The following KDM4B variants were observed in gnomAD, a reference collection of about 807,000 sequenced individuals.
The protein encoded by KDM4B is lysine demethylase 4B.
Under a neutral mutation model 125.2 loss-of-function variants are expected in KDM4B, and 32 were observed. The ratio of observed to expected loss-of-function variants is 0.26; its 90% CI spans 0.19 to 0.34. The LOEUF is 0.34. KDM4B is among the 10% of genes least tolerant of loss of function. KDM4B has a pLI of 1.00. For missense variants in KDM4B, 1,190 were observed against 1,577.7 expected (o/e 0.75, Z 4.16); for synonymous variants, 721 against 677.9 (o/e 1.06, Z -0.99).
At chr19:4,988,236 TCTG>T (rs1216946247) in intron 1 of KDM4B, among the ~76,000 whole-genome samples, 1 of 152,236 alleles carries the variant, frequency 6.6e-6, no homozygotes, top group Non-Finnish European at 1.5e-5. Flanking sequence ...GTCCTGAGCT[TCTG>T]CTGGACGCGC....
chr19:5,004,851 G>A (rs2035507334), intron 1 of KDM4B, among the ~76,000 whole-genome samples: 1 of 152,122 alleles, frequency 6.6e-6, no homozygotes, highest in Non-Finnish European at 1.5e-5. Flanking sequence ...ACAGCCCCCA[G>A]CCTGACCCCA....
intron 10 of KDM4B, chr19:5,119,260 C>T (rs563281464): frequency 1.5e-6 from 2 of 1,304,850 alleles, no homozygotes; most frequent in Non-Finnish European, 2.1e-6. Context: ...TAGGCATTTT[C>T]CATGAGCTGC....
chr19:5,139,867 G>T (rs904544390), intron 18 of KDM4B, among the ~76,000 whole-genome samples: 1 of 152,270 alleles, frequency 6.6e-6, no homozygotes, highest in Non-Finnish European at 1.5e-5. Flanking sequence ...GCGTAGCGGG[G>T]CCTCATCGTG....
At chr19:5,092,672 C>A (rs1042502430) in intron 9 of KDM4B, among the ~76,000 whole-genome samples, 2 of 152,096 alleles carry the variant, frequency 1.3e-5, no homozygotes, top group African/African-American at 4.8e-5. Flanking sequence ...GGTCTGCTTA[C>A]GGGGTCAGGC....
At chr19:5,049,677 C>T (rs540856700) in intron 6 of KDM4B, among the ~76,000 whole-genome samples, 18 of 152,126 alleles carry the variant, frequency 1.2e-4, no homozygotes, top group Admixed American at 6.5e-4. Context: ...GATGTTCCCA[C>T]GACACCCCAT....
At position 5,141,331 on chromosome 19, in the gene KDM4B, A is replaced by T. The variant is rs985946342; in HGVS notation, c.2551-2636A>T. On this transcript the variant is annotated intron_variant, in intron 18 of 22. Transcript: ENST00000159111. The surrounding 1 kb of genome is among the most constrained non-coding windows in gnomAD (Gnocchi z 6.4). ...GATGCTTCCGAGGCACCAGTGACTC[A>T]GTCCACAAACGTGGGCGTAAAAGGC... The T allele has an allele frequency of 8.5e-5, 13 of 152,342 alleles. No individual in the cohort carries two copies. The East Asian group carries it at 1.9e-3, about 23-fold the overall frequency. 9.4% of individuals were successfully genotyped at this position (152,342 alleles called of 1,614,324 possible).
chr19:5,008,217 A>AT (rs1312227998), intron 1 of KDM4B, among the ~76,000 whole-genome samples: 1 of 152,210 alleles, frequency 6.6e-6, no homozygotes, highest in Non-Finnish European at 1.5e-5. Context: ...GTCCACCTTC[A>AT]TTTTTTGTGT....
In KDM4B at chr19:5,101,641, C is replaced by T. The variant is rs913289574; in HGVS notation, c.919-8981C>T. Among the ~76,000 whole-genome samples, 9 of 122,670 alleles carry T rather than the reference C, an allele frequency of 7.3e-5. 1 individual carries two copies. Among genetic ancestry groups the T allele is most frequent in the African/African-American group, 2.8e-4 (9 of 32,540 alleles). The allele number at this position is 122,670 out of a possible 152,430, so 80.5% of individuals were successfully genotyped here. A position where few individuals can be genotyped will look rare whatever the true frequency, so the allele number is the denominator to read the frequency against. On this transcript the variant is annotated intron_variant, in intron 9 of 22. Transcript: ENST00000159111. ...GGAGGGCCTCACTCGGTGCTTTACC[C>T]GGGGAGGTCTGGGTGGGCTGTGGAT... is the stretch of plus-strand genomic sequence containing the variant.
chr19:4,979,484 T>A (rs188655103), intron 1 of KDM4B, among the ~76,000 whole-genome samples: 54 of 152,236 alleles, frequency 3.5e-4, no homozygotes, highest in African/African-American at 1.3e-3. Flanking sequence ...GGGGTCAGGG[T>A]GAAGCCCACC....
chr19:4,997,536 G>A lies in KDM4B; in HGVS notation c.-108-18721G>A, dbSNP rs1458693839. Among the ~76,000 whole-genome samples the A allele has an allele frequency of 2.0e-5, 3 of 152,130 alleles. No individual in the cohort carries two copies. Among genetic ancestry groups the A allele is most frequent in the African/African-American group, 7.2e-5 (3 of 41,426 alleles). ...TCTGCAGCTGCCTCCTTGGCTCCCC[G>A]GTTGTTAGCTGTGTGATCTAGGGTA... On this transcript the variant is annotated intron_variant, in intron 1 of 22. Coordinates refer to ENST00000159111, the MANE Select transcript of KDM4B (RefSeq NM_015015.3). This position sits in a 1 kb window ranked among gnomAD's most constrained non-coding sequence, Gnocchi z 4.2.
At position 5,151,619 on chromosome 19, in the gene KDM4B, C is replaced by G. The variant is rs1468386137; in HGVS notation, c.*108C>G. On this transcript the variant is annotated 3_prime_UTR_variant, in exon 23 of 23. Coordinates refer to ENST00000159111, the MANE Select transcript of KDM4B (RefSeq NM_015015.3). ...CCTCGTGTCCCCGACCCCCGAGAGGCCACCTCCAAGCCGCGGGTGCCCCCT... is the reference window on the plus strand; with the variant it reads ...CCTCGTGTCCCCGACCCCCGAGAGGGCACCTCCAAGCCGCGGGTGCCCCCT... The G allele has an allele frequency of 9.6e-7, 1 of 1,041,758 alleles. No individual in the cohort carries two copies. Among genetic ancestry groups the G allele is most frequent in the East Asian group, 3.2e-5 (1 of 30,770 alleles). 64.5% of individuals were successfully genotyped at this position (1,041,758 alleles called of 1,614,324 possible).
At chr19:5,072,888 G>A (rs545212928) in intron 7 of KDM4B, among the ~76,000 whole-genome samples, 7 of 152,252 alleles carry the variant, frequency 4.6e-5, no homozygotes, top group Admixed American at 1.3e-4. Context: ...TCCTTGGCTC[G>A]GTCCCAGGGG....
intron 2 of KDM4B, among the ~76,000 whole-genome samples, chr19:5,031,604 C>T (rs1027269812): frequency 3.3e-5 from 5 of 149,886 alleles, no homozygotes; most frequent in African/African-American, 4.8e-5. Flanking sequence ...TGGGGCTCAG[C>T]GCTGGGTATC....
intron 1 of KDM4B, among the ~76,000 whole-genome samples, chr19:5,002,412 C>T (rs1226426404): frequency 2.0e-5 from 3 of 151,508 alleles, no homozygotes; most frequent in African/African-American, 7.3e-5. Context: ...TTTCTCTCTC[C>T]TTTCTCTCTC....
At chr19:4,974,614 T>G (rs1172244872) in intron 1 of KDM4B, among the ~76,000 whole-genome samples, 1 of 151,106 alleles carries the variant, frequency 6.6e-6, no homozygotes, top group Non-Finnish European at 1.5e-5. Context: ...GGTGGGCGCC[T>G]GTAGTCCCAG....
At chr19:5,106,071 G>A (rs1183158114) in intron 9 of KDM4B, among the ~76,000 whole-genome samples, 1 of 152,152 alleles carries the variant, frequency 6.6e-6, no homozygotes, top group Non-Finnish European at 1.5e-5. Flanking sequence ...GCCCATAATT[G>A]GGCTCTTGCT....
intron 18 of KDM4B, among the ~76,000 whole-genome samples, chr19:5,138,706 A>T (rs2039692200): frequency 6.6e-6 from 1 of 152,084 alleles, no homozygotes; most frequent in African/African-American, 2.4e-5. Context: ...CTGCCCTCTT[A>T]AGAAGCATCT....
At chr19:5,064,257 G>C (rs909735243) in intron 6 of KDM4B, among the ~76,000 whole-genome samples, 1 of 152,224 alleles carries the variant, frequency 6.6e-6, no homozygotes, top group Non-Finnish European at 1.5e-5. Context: ...CTGGTCTCGG[G>C]TACTTCCAGC....
At chr19:5,129,717 C>T (rs1343813082) in intron 11 of KDM4B, among the ~76,000 whole-genome samples, 1 of 152,214 alleles carries the variant, frequency 6.6e-6, no homozygotes, top group South Asian at 2.1e-4. Flanking sequence ...TCCAGAATGT[C>T]CCAAGAGCCT....
Sources: allele counts gnomAD v4.1 joint callset (sites outside exome capture counted in the v4.1 genomes callset), GRCh38; gene constraint gnomAD v4.1.1; non-coding constraint Gnocchi (gnomAD v3.1); transcripts MANE v1.5; gene names NCBI Gene and HGNC (gene_info 2026-07-23, HGNC 2026-07-21).